Variants in ATAD2B observed in about 807,000 individuals in gnomAD.
ATAD2B encodes ATPase family AAA domain-containing protein 2B.
Under a neutral mutation model 167.6 loss-of-function variants are expected in ATAD2B, and 40 were observed. The ratio of observed to expected loss-of-function variants is 0.24; its 90% confidence interval spans 0.19 to 0.31. The LOEUF (loss-of-function observed/expected upper bound fraction) is 0.31. ATAD2B is among the 10% of genes least tolerant of loss of function. ATAD2B has a pLI of 1.00. For missense variants in ATAD2B, 1,242 were observed against 1,757.2 expected (o/e 0.71, Z 5.24); for synonymous variants, 579 against 596.5 (o/e 0.97, Z 0.43).
rs1392958546 is a variant in ATAD2B at position 23,818,118 on chromosome 2, CACATTACACACACACACACACACAGAG to C, written c.2267+1602_2267+1628del. On this transcript the variant is annotated intron_variant, in intron 17 of 27. Transcript: ENST00000238789. ...CATTACACACACACACACACACACA[CACATTACACACACACACACACACAGAG>C]AGAGAGAAGGAGGGAGGGAAGAAGA... 2.1e-4 allele frequency among the ~76,000 whole-genome samples: 18 copies of C among 87,458 alleles called. 1 individual carries two copies. The East Asian group carries it at 2.5e-3, about 12-fold the overall frequency. 57.4% of individuals were successfully genotyped at this position (87,458 alleles called of 152,430 possible).
intron 1 of ATAD2B, among the ~76,000 whole-genome samples, chr2:23,898,359 A>G (rs1700386837): frequency 6.6e-6 from 1 of 152,110 alleles, no homozygotes; most frequent in Non-Finnish European, 1.5e-5. Context: ...TAACCCAGAC[A>G]CTCCTTTATA....
At chr2:23,830,517 G>A (rs1046774082) in intron 14 of ATAD2B, among the ~76,000 whole-genome samples, 6 of 152,104 alleles carry the variant, frequency 3.9e-5, no homozygotes, top group African/African-American at 1.2e-4. Flanking sequence ...GCTTGATGAG[G>A]AATCTGGGGT....
intron 6 of ATAD2B, among the ~76,000 whole-genome samples, chr2:23,883,441 T>A (rs1025386311): frequency 3.3e-5 from 5 of 152,180 alleles, no homozygotes; most frequent in Non-Finnish European, 7.3e-5. Context: ...AAATAAGTTA[T>A]CTAAATATCC....
rs756515574 is a variant in ATAD2B, at chr2:23,783,059, C to A, written c.2974-31G>T. ...ACAGATATTTTAATAAAAATTACTT[C>A]CAGTTTTTCACATCATCTCAGTTCA... is the stretch of plus-strand genomic sequence containing the variant. On this transcript the variant is annotated intron_variant, in intron 21 of 27. Coordinates refer to ENST00000238789, the MANE Select transcript of ATAD2B (RefSeq NM_017552.4). The A allele has an allele frequency of 6.3e-6, 8 of 1,268,756 alleles. No homozygotes were observed. The Admixed American group carries it at 1.9e-4, about 30-fold the overall frequency. 78.6% of individuals were successfully genotyped at this position (1,268,756 alleles called of 1,614,324 possible).
chr2:23,764,458 C>A (rs575353083), intron 23 of ATAD2B, among the ~76,000 whole-genome samples: 1 of 152,108 alleles, frequency 6.6e-6, no homozygotes, highest in Non-Finnish European at 1.5e-5. Context: ...TTTTTGAAAA[C>A]ACTGATCTAC....
chr2:23,800,328 T>G (rs755787335), intron 18 of ATAD2B, among the ~76,000 whole-genome samples: 7 of 152,198 alleles, frequency 4.6e-5, no homozygotes, highest in East Asian at 1.9e-4. Flanking sequence ...ATGAGAGAGA[T>G]AGGAAAACAT....
intron 22 of ATAD2B, 141 bp downstream of exon 22, chr2:23,782,728 T>C (rs1380386341): frequency 3.4e-6 from 2 of 582,656 alleles, no homozygotes; most frequent in Admixed American, 3.6e-5. Context: ...TTATGTAGGC[T>C]ATGAGCTTCT....
intron 25 of ATAD2B, among the ~76,000 whole-genome samples, chr2:23,756,456 C>T (rs1173805706): frequency 1.3e-5 from 2 of 151,990 alleles, no homozygotes; most frequent in Non-Finnish European, 2.9e-5. Flanking sequence ...CCACTCCACA[C>T]AATTTAGAGA....
intron 24 of ATAD2B, among the ~76,000 whole-genome samples, chr2:23,760,525 T>TGCTGG (rs1438400417): frequency 6.6e-6 from 1 of 151,870 alleles, no homozygotes; most frequent in East Asian, 1.9e-4. Context: ...GAGCCAGGTG[T>TGCTGG]GCTGGCAGGC....
At chr2:23,808,158 TTATA>T (rs1207365488) in intron 18 of ATAD2B, among the ~76,000 whole-genome samples, 1 of 85,892 alleles carries the variant, frequency 1.2e-5, no homozygotes, top group Admixed American at 1.0e-4. Context: ...TATATGTTAT[TTATA>T]TATAAGTGAT....
intron 1 of ATAD2B, among the ~76,000 whole-genome samples, chr2:23,915,586 CTTTTT>C (rs869032768): frequency 7.7e-5 from 5 of 65,236 alleles, no homozygotes; most frequent in Non-Finnish European, 1.1e-4. Context: ...ACTACCGATT[CTTTTT>C]TTTTTTTTTT....
At position 23,867,930 on chromosome 2, in the gene ATAD2B, A is replaced by G; in HGVS notation, c.1093T>C (p.Phe365Leu). The G allele has an allele frequency of 1.2e-6, 2 of 1,610,080 alleles. No individual in the cohort carries two copies. The highest frequency in any genetic ancestry group is 1.7e-6 in the Non-Finnish European group (2 of 1,178,576). The change falls in exon 10 of 28, where the codon TTC becomes CTC. Residue 365 changes from phenylalanine (F) to leucine (L), a missense_variant. Transcript: ENST00000238789. ...RARNRCLPMNFRAEDLASGIL... is the reference protein window; with the variant it reads ...RARNRCLPMNLRAEDLASGIL... ...CCGCTAGCTAAGTCCTCTGCTCTGA[A>G]GTTCATAGGCAAACATCTGAAATTT...
At chr2:23,869,093 C>T (rs116270343) in intron 9 of ATAD2B, among the ~76,000 whole-genome samples, 1,888 of 152,224 alleles carry the variant, frequency 0.012, 36 homozygotes, top group African/African-American at 0.043. Flanking sequence ...CTTGGTATTT[C>T]TACAATAAAT....
At chr2:23,906,647 A>T (rs1032290807) in intron 1 of ATAD2B, among the ~76,000 whole-genome samples, 10 of 152,168 alleles carry the variant, frequency 6.6e-5, no homozygotes, top group East Asian at 1.9e-4. Context: ...TACCAAAGCC[A>T]GGCAGAGACA....
intron 18 of ATAD2B, among the ~76,000 whole-genome samples, chr2:23,807,476 G>A (rs1444145625): frequency 6.6e-6 from 1 of 152,084 alleles, no homozygotes; most frequent in Admixed American, 6.6e-5. Context: ...ATAAGCTCCT[G>A]AGATCTCAAG....
chr2:23,814,299 T>C (rs777735411), intron 17 of ATAD2B, among the ~76,000 whole-genome samples: 39 of 152,210 alleles, frequency 2.6e-4, no homozygotes, highest in Non-Finnish European at 5.4e-4. Context: ...ATGCCTCCTA[T>C]GCTGAATGCC....
intron 10 of ATAD2B, 36 bp downstream of exon 10, chr2:23,867,799 A>G: frequency 1.3e-6 from 2 of 1,488,916 alleles, no homozygotes; most frequent in Non-Finnish European, 1.8e-6. Context: ...CTTTTAAAAA[A>G]AAGAAAACTT....
chr2:23,853,764 G>A (rs190633379), intron 13 of ATAD2B, among the ~76,000 whole-genome samples: 1 of 152,270 alleles, frequency 6.6e-6, no homozygotes, highest in Admixed American at 6.5e-5. Flanking sequence ...GAACAAATTT[G>A]GAGGACTTAT....
intron 10 of ATAD2B, among the ~76,000 whole-genome samples, chr2:23,865,717 T>C (rs925071787): frequency 3.3e-5 from 5 of 152,152 alleles, no homozygotes; most frequent in African/African-American, 1.2e-4. Context: ...AAAATCTTAT[T>C]CTTTAACATT....
Sources: allele counts gnomAD v4.1 joint callset (sites outside exome capture counted in the v4.1 genomes callset), GRCh38; gene constraint gnomAD v4.1.1; transcripts MANE v1.5; gene names NCBI Gene and HGNC (gene_info 2026-07-23, HGNC 2026-07-21).